The following TBC1D5 variants were observed in gnomAD, a reference collection of about 807,000 sequenced individuals.
TBC1D5 encodes the protein TBC1 domain family member 5.
Under a neutral mutation model 100.3 loss-of-function variants are expected in TBC1D5, and 75 were observed. That is an observed-to-expected ratio of 0.75 (90% CI 0.62 to 0.91). TBC1D5 has a LOEUF of 0.91. Among genes scored for constraint, TBC1D5 ranks in the 40% least tolerant of loss-of-function variants. The pLI, the probability that TBC1D5 is intolerant of heterozygous loss-of-function variation, is 0.00. For synonymous variants in TBC1D5, 323 were observed against 325.6 expected (o/e 0.99, Z 0.09); for missense variants, 910 against 942.4 (o/e 0.97, Z 0.45).
At position 17,518,905 on chromosome 3, in the gene TBC1D5, C is replaced by G. The variant is rs541297556; in HGVS notation, c.-35-10300G>C. On this transcript the variant is annotated intron_variant, in intron 2 of 21. Transcript: ENST00000253692. Reference sequence around the variant, plus strand: ...TCTGGCTCCCGCACCTGCTCACCTGCGCGCTCCCTCCCGTGAGGGGTGGAA... The same window carrying G: ...TCTGGCTCCCGCACCTGCTCACCTGGGCGCTCCCTCCCGTGAGGGGTGGAA... 8.5e-5 allele frequency: 13 copies of G among 152,524 alleles called. No homozygotes were observed. The South Asian group carries it at 2.7e-3, about 32-fold the overall frequency. The allele number at this position is 152,524 out of a possible 1,614,324, so 9.4% of individuals were successfully genotyped here.
chr3:17,291,779 T>C (rs1413293565), intron 15 of TBC1D5, 116 bp downstream of exon 15: 12 of 912,950 alleles, frequency 1.3e-5, no homozygotes, highest in Non-Finnish European at 2.0e-5. Context: ...AATGCTACCA[T>C]TAGGCAATTC....
intron 3 of TBC1D5, among the ~76,000 whole-genome samples, chr3:17,476,471 T>A (rs564623826): frequency 1.3e-5 from 2 of 152,028 alleles, no homozygotes; most frequent in African/African-American, 4.8e-5. Flanking sequence ...AGTCTATCTG[T>A]CTATCTGTTC....
chr3:17,613,730 G>A (rs945969245), intron 2 of TBC1D5, among the ~76,000 whole-genome samples: 3 of 152,124 alleles, frequency 2.0e-5, no homozygotes, highest in African/African-American at 7.2e-5. Flanking sequence ...TTTTGATTTG[G>A]TTGTTTGGTT....
chr3:17,371,555 C>T (rs1006147201), intron 13 of TBC1D5, among the ~76,000 whole-genome samples: 5 of 152,016 alleles, frequency 3.3e-5, no homozygotes, highest in African/African-American at 9.7e-5. Context: ...AGGAATAATA[C>T]CCAATTTACA....
chr3:17,251,716 T>C (rs1206037394), intron 16 of TBC1D5, among the ~76,000 whole-genome samples: 1 of 152,216 alleles, frequency 6.6e-6, no homozygotes, highest in Admixed American at 6.5e-5. Context: ...CCATTACGTG[T>C]ATGGATAATA....
At chr3:17,705,357 A>C (rs1197369045) in intron 1 of TBC1D5, among the ~76,000 whole-genome samples, 33 of 67,892 alleles carry the variant, frequency 4.9e-4, no homozygotes, top group Admixed American at 1.2e-3. Flanking sequence ...ACCCCCCCCC[A>C]CCTCCCTCCC....
At chr3:17,551,223 A>G (rs1402794944) in intron 2 of TBC1D5, among the ~76,000 whole-genome samples, 4 of 152,168 alleles carry the variant, frequency 2.6e-5, no homozygotes, top group Non-Finnish European at 4.4e-5. Context: ...CAAAACAGAA[A>G]TAAGTAAAGA....
chr3:17,185,015 T>C, intron 19 of TBC1D5, 94 bp downstream of exon 20: 2 of 1,053,660 alleles, frequency 1.9e-6, no homozygotes, highest in East Asian at 2.4e-5. Context: ...GTAATTCATG[T>C]AAACAGCTTA....
intron 19 of TBC1D5, among the ~76,000 whole-genome samples, chr3:17,183,728 T>C (rs949453367): frequency 3.3e-5 from 5 of 152,176 alleles, no homozygotes; most frequent in African/African-American, 1.2e-4. Flanking sequence ...TCCAAATCTT[T>C]TAAGAGAACA....
intron 2 of TBC1D5, among the ~76,000 whole-genome samples, chr3:17,590,722 C>G (rs889055730): frequency 1.3e-5 from 2 of 152,012 alleles, no homozygotes; most frequent in Non-Finnish European, 2.9e-5. Flanking sequence ...GGCCAAGTGG[C>G]AACACAAAAC....
chr3:17,284,485 A>G (rs2080966803), intron 15 of TBC1D5, among the ~76,000 whole-genome samples: 1 of 152,170 alleles, frequency 6.6e-6, no homozygotes. Flanking sequence ...ATTGTTTATT[A>G]TGGTAAGAGC....
intron 10 of TBC1D5, among the ~76,000 whole-genome samples, chr3:17,376,140 GGA>G (rs1221792910): frequency 3.9e-5 from 6 of 152,042 alleles, no homozygotes; most frequent in Non-Finnish European, 7.4e-5. Flanking sequence ...AACCTGATGA[GGA>G]GAGATAATCT....
chr3:17,445,090 T>C (rs773957380), intron 3 of TBC1D5, among the ~76,000 whole-genome samples: 6 of 152,284 alleles, frequency 3.9e-5, no homozygotes, highest in Non-Finnish European at 7.4e-5. Flanking sequence ...CCCTTATCAG[T>C]GGACATATGG....
At chr3:17,385,378 C>T (rs2093110497) in intron 8 of TBC1D5, among the ~76,000 whole-genome samples, 1 of 152,008 alleles carries the variant, frequency 6.6e-6, no homozygotes. Context: ...AACAGAGAAA[C>T]ATTCCTTAAT....
At chr3:17,527,370 C>T (rs1330021557) in intron 2 of TBC1D5, among the ~76,000 whole-genome samples, 1 of 152,064 alleles carries the variant, frequency 6.6e-6, no homozygotes, top group East Asian at 1.9e-4. Flanking sequence ...GCTTGGAGGT[C>T]TGGAGATACT....
chr3:17,333,512 A>G (rs1251862841), intron 13 of TBC1D5: 1 of 152,158 alleles, frequency 6.6e-6, no homozygotes. Context: ...TAGAGATGAG[A>G]AAATTATGTA....
intron 3 of TBC1D5, among the ~76,000 whole-genome samples, chr3:17,432,290 T>C (rs1421985348): frequency 6.6e-6 from 1 of 152,124 alleles, no homozygotes; most frequent in Non-Finnish European, 1.5e-5. Flanking sequence ...CCTTTGTGTC[T>C]TTTAAAGGAA....
chr3:17,557,741 AAGC>A (rs1299199328), intron 2 of TBC1D5, among the ~76,000 whole-genome samples: 1 of 152,166 alleles, frequency 6.6e-6, no homozygotes, highest in East Asian at 1.9e-4. Flanking sequence ...TATCCGAACC[AAGC>A]AACAGCCATA....
At chr3:17,203,989 C>T (rs1300892987) in intron 18 of TBC1D5, among the ~76,000 whole-genome samples, 1 of 152,190 alleles carries the variant, frequency 6.6e-6, no homozygotes, top group Non-Finnish European at 1.5e-5. Context: ...GTGAAGGCCA[C>T]CTGCCTGATA....
Sources: allele counts gnomAD v4.1 joint callset (sites outside exome capture counted in the v4.1 genomes callset), GRCh38; gene constraint gnomAD v4.1.1; transcripts MANE v1.5; gene names NCBI Gene and HGNC (gene_info 2026-07-23, HGNC 2026-07-21).